PDGFA: variants seen among roughly 807,000 people sequenced by gnomAD.
PDGFA encodes platelet-derived growth factor subunit A.
Under a neutral mutation model 25.6 loss-of-function variants are expected in PDGFA, and 9 were observed. The observed-to-expected ratio is 0.35, with a 90% CI of 0.21 to 0.61. The LOEUF (loss-of-function observed/expected upper bound fraction) is 0.61, where lower values mean the gene tolerates loss of function less well. PDGFA is among the 20% of genes least tolerant of loss of function. PDGFA has a pLI of 0.75. For synonymous variants in PDGFA, 133 were observed against 111.8 expected (o/e 1.19, Z -1.20); for missense variants, 242 against 272.8 (o/e 0.89, Z 0.79).
chr7:503,058 G>C (rs754633585), intron 4 of PDGFA, among the ~76,000 whole-genome samples: 1 of 152,102 alleles, frequency 6.6e-6, no homozygotes, highest in African/African-American at 2.4e-5. Context: ...GGCTCTCCCA[G>C]CCCAAACCCC....
chr7:514,899 T>C (rs1783020255), intron 2 of PDGFA, among the ~76,000 whole-genome samples: 1 of 152,314 alleles, frequency 6.6e-6, no homozygotes, highest in African/African-American at 2.4e-5. Context: ...AATGAAACGC[T>C]TGGGCTCCGG....
At chr7:518,827 A>G in intron 1 of PDGFA, 112 bp downstream of exon 1, 1 of 600,706 alleles carries the variant, frequency 1.7e-6, no homozygotes, top group Non-Finnish European at 2.7e-6. Context: ...CTAAACATCG[A>G]CCACCCTGGC....
intron 3 of PDGFA, 103 bp from the exon 4 acceptor site, chr7:511,099 AG>A: frequency 1.1e-6 from 1 of 890,296 alleles, no homozygotes; most frequent in Non-Finnish European, 1.8e-6. Context: ...AACCAGGGTA[AG>A]CCACAGGCCA....
At chr7:520,423 A>T (rs930405591), upstream of PDGFA, 7 of 158,104 alleles carry the variant, frequency 4.4e-5, no homozygotes, top group African/African-American at 1.7e-4. Flanking sequence ...GCCCCCGCCC[A>T]GGATCCGAGG....
chr7:510,206 G>A lies in PDGFA; in HGVS notation c.453+603C>T, dbSNP rs373628390. On this transcript the variant is annotated intron_variant, in intron 4 of 5. Transcript: ENST00000402802. Reference sequence around the variant, plus strand: ...AGGGCGTGGAAAGGAGGCCAGGCTCGTCGCCAGAGCAGCAGAGCAGAAGCC... The same window carrying A: ...AGGGCGTGGAAAGGAGGCCAGGCTCATCGCCAGAGCAGCAGAGCAGAAGCC... Among the ~76,000 whole-genome samples the A allele has an allele frequency of 5.7e-3, 860 of 152,212 alleles. 12 individuals are homozygous for A. Among genetic ancestry groups the A allele is most frequent in the South Asian group, 0.04 (194 of 4,816 alleles).
exon 3 of PDGFA, chr7:512,411 G>C (rs1424577284): frequency 6.2e-7 from 1 of 1,613,664 alleles, no homozygotes; most frequent in Non-Finnish European, 8.5e-7. Flanking sequence ...TTAGTGGCAT[G>C]GACCCCGTGA....
chr7:510,722 G>GGAGAGGAGGGGAGGGGAGA, intron 4 of PDGFA, 87 bp downstream of exon 4: 2 of 401,604 alleles, frequency 5.0e-6, no homozygotes. Flanking sequence ...GGGAGGGGAG[G>GGAGAGGAGGGGAGGGGAGA]GGAGAGGAGG....
chr7:499,186 G>A (rs1050884379), intron 5 of PDGFA, among the ~76,000 whole-genome samples: 3 of 152,186 alleles, frequency 2.0e-5, no homozygotes, highest in African/African-American at 7.2e-5. Context: ...AGAGCCTAAC[G>A]CTCTGTAGAA....
intron 4 of PDGFA, among the ~76,000 whole-genome samples, chr7:503,787 G>C (rs940621740): frequency 7.9e-5 from 12 of 152,220 alleles, no homozygotes; most frequent in African/African-American, 2.7e-4. Flanking sequence ...AGACAGCCAA[G>C]TATGAGCTCA....
chr7:506,152 G>C (rs1260984842), intron 4 of PDGFA, among the ~76,000 whole-genome samples: 1 of 142,772 alleles, frequency 7.0e-6, no homozygotes, highest in Non-Finnish European at 1.5e-5. Context: ...CTCCAGCCTG[G>C]GCAACAGAGT....
At chr7:512,961 C>A (rs1464990199) in intron 2 of PDGFA, 2 of 228,020 alleles carry the variant, frequency 8.8e-6, no homozygotes, top group Non-Finnish European at 1.8e-5. Context: ...CCTCCCTCCC[C>A]CTCACTAAAG....
chr7:500,187 C>T lies in PDGFA; in HGVS notation c.580+929G>A, dbSNP rs546275173. ...GCAATGCTCCTGCATCCCCAATCAACGACAAAGAGAAGGACAAAGCTGGAG... is the reference window on the plus strand; with the variant it reads ...GCAATGCTCCTGCATCCCCAATCAATGACAAAGAGAAGGACAAAGCTGGAG... On this transcript the variant is annotated intron_variant, in intron 5 of 5. Transcript: ENST00000402802. This position sits in a 1 kb window ranked among gnomAD's most constrained non-coding sequence, Gnocchi z 5.0. 3.3e-5 allele frequency among the ~76,000 whole-genome samples: 5 copies of T among 152,328 alleles called. No individual in the cohort carries two copies. The highest frequency in any genetic ancestry group is 2.1e-4 in the South Asian group (1 of 4,828).
At chr7:499,364 T>C (rs1401964175) in intron 5 of PDGFA, among the ~76,000 whole-genome samples, 1 of 152,242 alleles carries the variant, frequency 6.6e-6, no homozygotes, top group Admixed American at 6.5e-5. Flanking sequence ...AAGTCCCACA[T>C]TGCAAACAGG....
At chr7:519,925 C>CT (rs1240662625), upstream of PDGFA, 1 of 126,954 alleles carries the variant, frequency 7.9e-6, no homozygotes, top group African/African-American at 3.1e-5. Context: ...CCCCCCCCCC[C>CT]CGCCTCCCCC....
intron 4 of PDGFA, among the ~76,000 whole-genome samples, chr7:501,733 G>A (rs1583139111): frequency 6.6e-6 from 1 of 152,172 alleles, no homozygotes; most frequent in African/African-American, 2.4e-5. Flanking sequence ...TTGGAGCATG[G>A]TATTTAGCAG....
At chr7:509,046 A>G (rs1782688694) in intron 4 of PDGFA, among the ~76,000 whole-genome samples, 1 of 152,194 alleles carries the variant, frequency 6.6e-6, no homozygotes, top group South Asian at 2.1e-4. Context: ...TGCATCCTGC[A>G]GGTCTCTGGG....
chr7:514,011 A>C (rs959072503), intron 2 of PDGFA, among the ~76,000 whole-genome samples: 2 of 152,250 alleles, frequency 1.3e-5, no homozygotes, highest in Non-Finnish European at 2.9e-5. Context: ...CTTATGAATC[A>C]CATCCTGGTG....
intron 2 of PDGFA, among the ~76,000 whole-genome samples, chr7:514,432 C>T (rs1024939161): frequency 6.6e-6 from 1 of 152,318 alleles, no homozygotes; most frequent in Admixed American, 6.5e-5. Flanking sequence ...CCAAGCCCAC[C>T]CTTTGCTCCC....
chr7:501,149 T>C (rs866642628), exon 5 of PDGFA: 1 of 1,614,238 alleles, frequency 6.2e-7, no homozygotes, highest in Middle Eastern at 1.6e-4. Context: ...GGATTCAGGC[T>C]TGTGGTCGCG....
Sources: allele counts gnomAD v4.1 joint callset (sites outside exome capture counted in the v4.1 genomes callset), GRCh38; gene constraint gnomAD v4.1.1; non-coding constraint Gnocchi (gnomAD v3.1); transcripts MANE v1.5; gene names NCBI Gene and HGNC (gene_info 2026-07-23, HGNC 2026-07-21).